The following DISC1 variants were observed in gnomAD, a reference collection of about 807,000 sequenced individuals.
DISC1 encodes the protein DISC1 scaffold protein, also known as disrupted in schizophrenia 1 protein.
A neutral mutation model predicts 84.5 loss-of-function variants in DISC1; 57 were observed. The observed-to-expected ratio is 0.67, with a 90% CI of 0.55 to 0.84. DISC1 has a LOEUF of 0.84. Ranked by LOEUF, DISC1 falls within the 40% of genes least tolerant of loss-of-function variation. DISC1 has a pLI of 0.00. For synonymous variants in DISC1, 411 were observed against 415.2 expected, an observed-to-expected ratio of 0.99 and a Z score of 0.12; for missense variants, 1,000 against 1,057.8, an observed-to-expected ratio of 0.95 and a Z score of 0.76.
At chr1:231,782,795 A>C (rs991154457) in intron 6 of DISC1, among the ~76,000 whole-genome samples, 1 of 151,860 alleles carries the variant, frequency 6.6e-6, no homozygotes, top group African/African-American at 2.4e-5. Context: ...TACAAAAATT[A>C]GCCGGCTGTG....
intron 10 of DISC1, among the ~76,000 whole-genome samples, chr1:231,980,031 A>G (rs1663372504): frequency 6.6e-6 from 1 of 152,182 alleles, no homozygotes; most frequent in South Asian, 2.1e-4. Context: ...CACTAACCTT[A>G]TGGTTCAAAG....
intron 9 of DISC1, among the ~76,000 whole-genome samples, chr1:231,933,759 A>G (rs1430197643): frequency 2.0e-5 from 3 of 152,296 alleles, no homozygotes; most frequent in South Asian, 4.1e-4. Context: ...AGTTGGTGTC[A>G]TGAGTTAAGT....
At chr1:231,896,473 A>G (rs927096645) in intron 9 of DISC1, among the ~76,000 whole-genome samples, 2 of 152,068 alleles carry the variant, frequency 1.3e-5, no homozygotes, top group African/African-American at 2.4e-5. Flanking sequence ...ATCAAATGCA[A>G]CTTTTTTTTC....
chr1:231,629,076 A>C (rs1365102758), intron 1 of DISC1, among the ~76,000 whole-genome samples: 2 of 152,214 alleles, frequency 1.3e-5, no homozygotes, highest in Non-Finnish European at 2.9e-5. Flanking sequence ...GTAAGAGTGA[A>C]CTGTTAATCC....
intron 10 of DISC1, 125 bp from the exon 11 acceptor site, chr1:232,008,660 T>G: frequency 1.7e-6 from 2 of 1,158,500 alleles, no homozygotes; most frequent in South Asian, 3.6e-5. Context: ...AATTTATCAC[T>G]GTGAAATTAA....
At chr1:231,974,016 C>T (rs1237199002) in intron 10 of DISC1, among the ~76,000 whole-genome samples, 5 of 149,900 alleles carry the variant, frequency 3.3e-5, no homozygotes, top group African/African-American at 7.4e-5. Flanking sequence ...TTTTTTTTTT[C>T]TTAAAGAGGT....
intron 4 of DISC1, among the ~76,000 whole-genome samples, chr1:231,763,972 C>A (rs554952039): frequency 6.6e-6 from 1 of 152,182 alleles, no homozygotes; most frequent in Non-Finnish European, 1.5e-5. Context: ...ATCAGTTACT[C>A]ATTTTCTTTT....
At chr1:231,985,674 C>G (rs548139972) in intron 10 of DISC1, among the ~76,000 whole-genome samples, 28 of 152,282 alleles carry the variant, frequency 1.8e-4, no homozygotes, top group African/African-American at 6.0e-4. Flanking sequence ...TAATGAATAT[C>G]TGTTATGTCT....
chr1:231,653,460 G>T (rs1295646343), intron 1 of DISC1, among the ~76,000 whole-genome samples: 1 of 152,142 alleles, frequency 6.6e-6, no homozygotes, highest in Non-Finnish European at 1.5e-5. Context: ...GTCACAGGAG[G>T]TTTTAATGGA....
chr1:231,644,015 G>A (rs759090389), intron 1 of DISC1, among the ~76,000 whole-genome samples: 2 of 152,188 alleles, frequency 1.3e-5, no homozygotes, highest in African/African-American at 4.8e-5. Flanking sequence ...GGTACCATAT[G>A]TGCTAGCTGC....
chr1:231,641,428 T>C (rs2059660275), intron 1 of DISC1, among the ~76,000 whole-genome samples: 1 of 152,134 alleles, frequency 6.6e-6, no homozygotes, highest in Non-Finnish European at 1.5e-5. Context: ...TCCTTGTAGG[T>C]TCGTGGTCTC....
intron 3 of DISC1, among the ~76,000 whole-genome samples, chr1:231,721,553 A>C (rs2069710103): frequency 6.6e-6 from 1 of 152,204 alleles, no homozygotes; most frequent in African/African-American, 2.4e-5. Context: ...CATTTATATC[A>C]TATGGACTTG....
intron 3 of DISC1, among the ~76,000 whole-genome samples, chr1:231,725,219 G>A (rs907492900): frequency 8.5e-5 from 13 of 152,164 alleles, no homozygotes; most frequent in Admixed American, 1.3e-4. Context: ...TGTTCTGCAC[G>A]CACAGAATAC....
At chr1:231,735,990 T>A (rs545402930) in intron 3 of DISC1, among the ~76,000 whole-genome samples, 1 of 152,254 alleles carries the variant, frequency 6.6e-6, no homozygotes, top group South Asian at 2.1e-4. Flanking sequence ...TTATTTGTAT[T>A]TTTTGTAGAA....
At chr1:231,806,994 C>T (rs184097133) in intron 8 of DISC1, among the ~76,000 whole-genome samples, 4 of 152,362 alleles carry the variant, frequency 2.6e-5, no homozygotes, top group East Asian at 1.9e-4. Flanking sequence ...TTCCAAACCA[C>T]GGACCTGTAG....
At chr1:231,683,425 ATTT>A (rs5781664) in intron 1 of DISC1, among the ~76,000 whole-genome samples, 25 of 133,814 alleles carry the variant, frequency 1.9e-4, no homozygotes, top group Admixed American at 2.3e-4. Flanking sequence ...TACCACCATG[ATTT>A]TTTTTTTTTT....
intron 11 of DISC1, among the ~76,000 whole-genome samples, chr1:232,024,299 T>G (rs541948823): frequency 6.6e-6 from 1 of 152,312 alleles, no homozygotes; most frequent in East Asian, 1.9e-4. Flanking sequence ...TATACTAGAC[T>G]TCTCCAATAT....
chr1:231,814,691 A>G (rs1237081435), intron 8 of DISC1, among the ~76,000 whole-genome samples: 1 of 152,074 alleles, frequency 6.6e-6, no homozygotes, highest in African/African-American at 2.4e-5. Context: ...CAAACTGCTA[A>G]CACCTTTCTT....
At chr1:231,941,384 A>G (rs1388284763) in intron 9 of DISC1, among the ~76,000 whole-genome samples, 1 of 152,162 alleles carries the variant, frequency 6.6e-6, no homozygotes, top group Non-Finnish European at 1.5e-5. Context: ...TTCCAGGAGC[A>G]AGGCCAGCAA....
Sources: allele counts gnomAD v4.1 joint callset (sites outside exome capture counted in the v4.1 genomes callset), GRCh38; gene constraint gnomAD v4.1.1; transcripts MANE v1.5; gene names NCBI Gene and HGNC (gene_info 2026-07-23, HGNC 2026-07-21).